FRMPD2: variants seen among roughly 807,000 people sequenced by gnomAD.
FRMPD2 encodes FERM and PDZ domain containing 2, also known as FERM and PDZ domain-containing protein 2.
A neutral mutation model predicts 140.1 loss-of-function variants in FRMPD2; 96 were observed. The ratio of observed to expected loss-of-function variants is 0.69; its 90% CI spans 0.58 to 0.81. The LOEUF is 0.81. FRMPD2 is among the 40% of genes least tolerant of loss of function. The pLI, the probability that FRMPD2 is intolerant of heterozygous loss-of-function variation, is 0.00. For synonymous variants in FRMPD2, 449 were observed against 547.6 expected, an observed-to-expected ratio of 0.82 and a Z score of 2.52; for missense variants, 1,240 against 1,447.4, an observed-to-expected ratio of 0.86 and a Z score of 2.32.
chr10:48,239,557 C>G, intron 7 of FRMPD2, 48 bp downstream of exon 7: 1 of 1,380,664 alleles, frequency 7.2e-7, no homozygotes, highest in South Asian at 1.2e-5. Context: ...GCCCCCACAC[C>G]TATGTCTCAC....
chr10:48,207,738 C>A (rs986203924), intron 13 of FRMPD2, among the ~76,000 whole-genome samples: 2 of 152,182 alleles, frequency 1.3e-5, no homozygotes, highest in African/African-American at 4.8e-5. Flanking sequence ...GGACCTCTTG[C>A]TCCAGGCATT....
chr10:48,195,901 C>T (rs1427608229), intron 15 of FRMPD2, among the ~76,000 whole-genome samples: 4 of 152,204 alleles, frequency 2.6e-5, no homozygotes, highest in Admixed American at 1.3e-4. Flanking sequence ...CAGGCATATC[C>T]ACAAATAAAA....
At chr10:48,232,692 G>T (rs946435501) in intron 9 of FRMPD2, among the ~76,000 whole-genome samples, 11 of 152,184 alleles carry the variant, frequency 7.2e-5, no homozygotes, top group Admixed American at 2.0e-4. Flanking sequence ...ATCTGACATT[G>T]TCTCCCCAGG....
intron 1 of FRMPD2, among the ~76,000 whole-genome samples, chr10:48,254,845 G>A (rs1265129497): frequency 6.6e-6 from 1 of 152,200 alleles, no homozygotes; most frequent in Non-Finnish European, 1.5e-5. Flanking sequence ...ATATTATGCT[G>A]GCTGTGGAAA....
chr10:48,231,477 A>T (rs1839845679), intron 10 of FRMPD2, among the ~76,000 whole-genome samples: 1 of 152,208 alleles, frequency 6.6e-6, no homozygotes, highest in South Asian at 2.1e-4. Flanking sequence ...AGCCCTTGGA[A>T]CCAATCACCT....
At chr10:48,203,617 C>T (rs577255464) in intron 14 of FRMPD2, among the ~76,000 whole-genome samples, 144 of 151,974 alleles carry the variant, frequency 9.5e-4, no homozygotes, top group Non-Finnish European at 1.7e-3. Context: ...CCTAGGAGTT[C>T]TTTTTTTTCT....
chr10:48,259,990 T>C (rs1473496397), intron 1 of FRMPD2, among the ~76,000 whole-genome samples: 1 of 152,080 alleles, frequency 6.6e-6, no homozygotes, highest in Non-Finnish European at 1.5e-5. Flanking sequence ...TGTATAGATA[T>C]AGATATAGAT....
At chr10:48,264,840 A>G (rs1304434242) in intron 1 of FRMPD2, among the ~76,000 whole-genome samples, 1 of 152,116 alleles carries the variant, frequency 6.6e-6, no homozygotes, top group Admixed American at 6.6e-5. Context: ...ACAACACAAT[A>G]CTGACGAAGA....
chr10:48,178,872 C>T (rs1417591442), intron 21 of FRMPD2: 1 of 152,486 alleles, frequency 6.6e-6, no homozygotes, highest in African/African-American at 2.4e-5. Flanking sequence ...CGAATCCCAG[C>T]TCTGTCCCCT....
intron 14 of FRMPD2, among the ~76,000 whole-genome samples, chr10:48,202,977 T>G (rs982861609): frequency 1.3e-5 from 2 of 152,064 alleles, no homozygotes; most frequent in Non-Finnish European, 2.9e-5. Context: ...ATTTTTGTAT[T>G]TTTTAGAGAC....
chr10:48,244,583 C>T (rs1234359964), intron 4 of FRMPD2, among the ~76,000 whole-genome samples: 3 of 152,178 alleles, frequency 2.0e-5, no homozygotes, highest in African/African-American at 4.8e-5. Context: ...GCCTGGAGTG[C>T]TATGTTGAGT....
At chr10:48,218,391 C>A (rs887458034) in intron 12 of FRMPD2, among the ~76,000 whole-genome samples, 13 of 152,190 alleles carry the variant, frequency 8.5e-5, no homozygotes, top group African/African-American at 2.7e-4. Flanking sequence ...CATCTCTGAC[C>A]ACTAAGTGCC....
intron 1 of FRMPD2, among the ~76,000 whole-genome samples, chr10:48,252,651 G>A (rs1455207547): frequency 6.6e-6 from 1 of 152,202 alleles, no homozygotes; most frequent in East Asian, 1.9e-4. Context: ...TCAGGAGAAA[G>A]AGGCTTGGTC....
chr10:48,233,777 C>T (rs1839906247), intron 9 of FRMPD2, among the ~76,000 whole-genome samples: 1 of 152,164 alleles, frequency 6.6e-6, no homozygotes, highest in Non-Finnish European at 1.5e-5. Flanking sequence ...CCCAGCCTCC[C>T]CTGCCCCTTC....
chr10:48,223,415 AG>A (rs1202434270), intron 10 of FRMPD2, 145 bp from the exon 11 acceptor site: 5 of 636,722 alleles, frequency 7.9e-6, no homozygotes, highest in Non-Finnish European at 1.2e-5. Context: ...CGTACCTGGT[AG>A]CAAGGAACCT....
intron 20 of FRMPD2, among the ~76,000 whole-genome samples, chr10:48,182,356 C>T (rs1466649475): frequency 6.6e-6 from 1 of 152,174 alleles, no homozygotes; most frequent in African/African-American, 2.4e-5. Context: ...CATGCTGCAA[C>T]TGGTGTCCTG....
intron 12 of FRMPD2, among the ~76,000 whole-genome samples, chr10:48,218,284 G>T (rs545234801): frequency 6.6e-6 from 1 of 152,270 alleles, no homozygotes; most frequent in African/African-American, 2.4e-5. Context: ...TGAATTTTGG[G>T]GCTCAAGACT....
At chr10:48,235,656 G>C (rs1446148862) in intron 9 of FRMPD2, among the ~76,000 whole-genome samples, 1 of 152,242 alleles carries the variant, frequency 6.6e-6, no homozygotes, top group Non-Finnish European at 1.5e-5. Flanking sequence ...GGCCCAGAAA[G>C]CCAAGTTGAC....
chr10:48,185,198 T>A (rs1208772860), intron 18 of FRMPD2, among the ~76,000 whole-genome samples: 1 of 152,200 alleles, frequency 6.6e-6, no homozygotes, highest in African/African-American at 2.4e-5. Context: ...CCGTACCTTG[T>A]TTCTTCTACA....
Sources: gnomAD v4.1 joint callset for allele counts (sites outside exome capture counted in the v4.1 genomes callset) on GRCh38, gnomAD v4.1.1 for gene constraint, MANE v1.5 for transcripts, NCBI Gene and HGNC (gene_info 2026-07-23, HGNC 2026-07-21) for gene names.